Variants in PCDHA3 observed in about 807,000 individuals in gnomAD.
PCDHA3 encodes protocadherin alpha 3, also known as protocadherin alpha-3.
In PCDHA3, 41 loss-of-function variants were observed where a neutral mutation model predicts 62.2. That is an observed-to-expected ratio of 0.66 (90% CI 0.51 to 0.86). The LOEUF is 0.86. Ranked by LOEUF, PCDHA3 falls within the 40% of genes least tolerant of loss-of-function variation. PCDHA3 has a pLI of 0.00. For synonymous variants in PCDHA3, 640 were observed against 555.4 expected (o/e 1.15, Z -2.14); for missense variants, 1,304 against 1,241.2 (o/e 1.05, Z -0.76).
At chr5:140,838,152 C>T (rs1353802529) in intron 1 of PCDHA3, among the ~76,000 whole-genome samples, 1 of 150,110 alleles carries the variant, frequency 6.7e-6, no homozygotes, top group African/African-American at 2.5e-5. Context: ...TTTACTCTGT[C>T]GCCCTCTCTG....
chr5:140,928,501 G>A, intron 1 of PCDHA3: 1 of 1,614,184 alleles, frequency 6.2e-7, no homozygotes. Flanking sequence ...TCCCAGAAGT[G>A]CAACAGTGAC....
At position 140,945,888 on chromosome 5, in the gene PCDHA3, C is replaced by T. The variant is rs117232601; in HGVS notation, c.2395-33061C>T. Among the ~76,000 whole-genome samples, 21 of 152,006 alleles carry T rather than the reference C, an allele frequency of 1.4e-4. No homozygotes were observed. The East Asian group carries it at 2.9e-3, about 21-fold the overall frequency. On this transcript the variant is annotated intron_variant, in intron 1 of 3. Transcript: ENST00000522353. Reference sequence around the variant, plus strand: ...GAAATTGTAAAACTAACAAAGAAAACACAGTGGGAAAGATGAAAGATCAAT... The same window carrying T: ...GAAATTGTAAAACTAACAAAGAAAATACAGTGGGAAAGATGAAAGATCAAT...
chr5:140,916,582 A>G (rs1191941149), intron 1 of PCDHA3, among the ~76,000 whole-genome samples: 7 of 152,188 alleles, frequency 4.6e-5, no homozygotes, highest in Non-Finnish European at 1.0e-4. Flanking sequence ...AATGTCATCC[A>G]TGAGCTAGGG....
chr5:140,857,226 C>G, intron 1 of PCDHA3: 2 of 1,598,494 alleles, frequency 1.3e-6, no homozygotes, highest in Non-Finnish European at 1.7e-6. Context: ...CCTCACGTTC[C>G]GTTCAAGCTG....
chr5:140,956,585 T>G (rs1004549488), intron 1 of PCDHA3, among the ~76,000 whole-genome samples: 4 of 152,198 alleles, frequency 2.6e-5, no homozygotes, highest in Non-Finnish European at 5.9e-5. Flanking sequence ...CATTGATGCT[T>G]ATCAGGGATA....
chr5:140,888,597 C>A (rs1474772423), intron 1 of PCDHA3, among the ~76,000 whole-genome samples: 3 of 152,216 alleles, frequency 2.0e-5, no homozygotes, highest in African/African-American at 7.2e-5. Flanking sequence ...ACATTCAGAG[C>A]AGCTTTTAGT....
intron 1 of PCDHA3, chr5:140,822,818 A>G (rs2150119622): frequency 6.2e-7 from 1 of 1,614,182 alleles, no homozygotes; most frequent in African/African-American, 1.3e-5. Flanking sequence ...AATACCCCAG[A>G]GATGGCCATA....
intron 2 of PCDHA3, among the ~76,000 whole-genome samples, chr5:140,980,152 C>G (rs1554241475): frequency 6.6e-6 from 1 of 152,040 alleles, no homozygotes; most frequent in African/African-American, 2.4e-5. Context: ...CATGCATATA[C>G]CAGAATATTA....
chr5:140,982,094 G>T (rs2096965818), intron 2 of PCDHA3, among the ~76,000 whole-genome samples: 1 of 152,230 alleles, frequency 6.6e-6, no homozygotes, highest in Admixed American at 6.5e-5. Context: ...AGGAACAAGA[G>T]AACCTGCAAG....
At chr5:140,848,684 G>C (rs2040546580) in intron 1 of PCDHA3, 1 of 1,592,318 alleles carries the variant, frequency 6.3e-7, no homozygotes, top group African/African-American at 1.3e-5. Flanking sequence ...TGCCGCGCCT[G>C]TTCCAGTTGG....
chr5:140,989,534 A>G (rs1201139003), intron 3 of PCDHA3, among the ~76,000 whole-genome samples: 1 of 152,184 alleles, frequency 6.6e-6, no homozygotes, highest in African/African-American at 2.4e-5. Flanking sequence ...GGAGGAAGAT[A>G]GTTTGTAATT....
chr5:140,978,967 G>C lies in PCDHA3; in HGVS notation c.2413G>C (p.Asp805His), dbSNP rs782109224. 1.9e-6 allele frequency: 3 copies of C among 1,614,038 alleles called. No homozygotes were observed. The highest frequency in any genetic ancestry group is 1.1e-5 in the South Asian group (1 of 91,066). The stretch of plus-strand genomic sequence containing the variant: ...TTTGCAGCCACGACAGCCCAACCCT[G>C]ACTGGCGTTACTCTGCCTCCCTGAG... ...LSAKPRQPNPDWRYSASLRAG... is the reference protein window; with the variant it reads ...LSAKPRQPNPHWRYSASLRAG... The change falls in exon 2 of 4, where the codon GAC (aspartate) becomes CAC (histidine). Residue 805 changes from aspartate to histidine, a missense_variant. Asp to His is a moderately conservative substitution (Grantham distance 81). Coordinates refer to ENST00000522353, the MANE Select transcript of PCDHA3 (RefSeq NM_018906.3).
chr5:140,827,940 C>T, intron 1 of PCDHA3: 2 of 1,159,002 alleles, frequency 1.7e-6, no homozygotes, highest in Non-Finnish European at 2.4e-6. Flanking sequence ...TTATAGCTAG[C>T]CAACATTCAA....
intron 1 of PCDHA3, chr5:140,929,617 A>C: frequency 2.5e-6 from 1 of 401,992 alleles, no homozygotes; most frequent in Non-Finnish European, 4.5e-6. Context: ...AAATACCAAA[A>C]TATTTTATAA....
chr5:140,809,230 G>A (rs1581701198), intron 1 of PCDHA3: 1 of 1,614,104 alleles, frequency 6.2e-7, no homozygotes, highest in East Asian at 2.2e-5. Flanking sequence ...CCTCCTCACG[G>A]GCGTTGGTGG....
At chr5:140,840,796 G>C (rs1776878567) in intron 1 of PCDHA3, among the ~76,000 whole-genome samples, 1 of 152,038 alleles carries the variant, frequency 6.6e-6, no homozygotes. Flanking sequence ...GCTCACCTCA[G>C]AGTAATATAT....
chr5:140,947,539 C>G (rs144026826), intron 1 of PCDHA3, among the ~76,000 whole-genome samples: 3 of 151,678 alleles, frequency 2.0e-5, no homozygotes, highest in Admixed American at 2.0e-4. Context: ...TCAATTTCTA[C>G]AAAGAATTCC....
In PCDHA3 at chr5:140,858,646, T is replaced by C. The variant is rs542211136; in HGVS notation, c.2394+55055T>C. 2.7e-5 allele frequency: 22 copies of C among 817,764 alleles called. 1 individual carries two copies. In the African/African-American group the frequency reaches 3.5e-4, roughly 13 times the overall value. 50.7% of individuals were successfully genotyped at this position (817,764 alleles called of 1,614,324 possible). A position where few individuals can be genotyped will look rare whatever the true frequency, so the allele number is the denominator to read the frequency against. On this transcript the variant is annotated intron_variant, in intron 1 of 3. Coordinates refer to ENST00000522353, the MANE Select transcript of PCDHA3 (RefSeq NM_018906.3). ...AGTGTGTCAGCCTTTGATTGGTACT[T>C]AAATTTTTTTAAATAACAATTTATT...
chr5:140,842,933 C>A (rs1356851691), intron 1 of PCDHA3: 6 of 1,594,424 alleles, frequency 3.8e-6, no homozygotes, highest in Non-Finnish European at 4.3e-6. Context: ...GGTGAGCGCG[C>A]GCGACGCGGG....
Sources: gnomAD v4.1 joint callset for allele counts (sites outside exome capture counted in the v4.1 genomes callset) on GRCh38, gnomAD v4.1.1 for gene constraint, MANE v1.5 for transcripts, NCBI Gene and HGNC (gene_info 2026-07-23, HGNC 2026-07-21) for gene names.